Variants in SPINDOC observed in about 807,000 individuals in gnomAD.
SPINDOC encodes the protein spindlin interactor and repressor of chromatin binding, also known as spindlin interactor and repressor of chromatin-binding protein.
Under a neutral mutation model 30.7 loss-of-function variants are expected in SPINDOC, and 13 were observed. That is an observed-to-expected ratio of 0.42 (90% confidence interval 0.28 to 0.67). The LOEUF (loss-of-function observed/expected upper bound fraction) is 0.67, where lower values mean the gene tolerates loss of function less well. SPINDOC is among the 30% of genes least tolerant of loss of function. The pLI, the probability that SPINDOC is intolerant of heterozygous loss-of-function variation, is 0.22. For synonymous variants in SPINDOC, 228 were observed against 211.4 expected (o/e 1.08, Z -0.68); for missense variants, 438 against 518.0 (o/e 0.85, Z 1.50).
In SPINDOC at chr11:63,818,726, AGCAGGGCCTGGGC is replaced by A. The variant is rs1275798387; in HGVS notation, c.734-68_734-56del. The A allele has an allele frequency of 1.2e-6, 2 of 1,611,846 alleles. No individual in the cohort carries two copies. The highest frequency in any genetic ancestry group is 2.7e-5 in the African/African-American group (2 of 74,832). ...AGGAAATCCGCATCAGTGAGGATGG[AGCAGGGCCTGGGC>A]GCAGGGCGCCTGCAGCTCCTGAGGC... On this transcript the variant is annotated intron_variant, in intron 4 of 5. Transcript: ENST00000294244. The surrounding 1 kb of genome is among the most constrained non-coding windows in gnomAD (Gnocchi z 5.3).
chr11:63,813,772 T>A lies in SPINDOC; in HGVS notation c.86T>A (p.Met29Lys), dbSNP rs775794856. 1.3e-6 allele frequency: 2 copies of A among 1,591,352 alleles called. No individual in the cohort carries two copies. Among genetic ancestry groups the A allele is most frequent in the South Asian group, 1.1e-5 (1 of 89,234 alleles). ...CEEGEDEEEA[M>K]VVAVIPRPEP... Reference sequence around the variant, plus strand: ...GAAGGGGAGGACGAGGAGGAGGCCATGGTGGTGGCCGTAATTCCGCGGCCC... The same window carrying A: ...GAAGGGGAGGACGAGGAGGAGGCCAAGGTGGTGGCCGTAATTCCGCGGCCC... Residue 29 changes from methionine (M) to lysine (K), a missense_variant, in exon 1 of 6, where the codon ATG becomes AAG. Met to Lys is a moderately conservative substitution (Grantham distance 95, BLOSUM62 -1). Coordinates refer to ENST00000294244, the MANE Select transcript of SPINDOC (RefSeq NM_138471.3).
chr11:63,823,139 A>G (rs2135156292), intron 5 of SPINDOC: 1 of 1,288,994 alleles, frequency 7.8e-7, no homozygotes, highest in Non-Finnish European at 1.0e-6. Context: ...GTCCAGGTAT[A>G]TAGGCTGGAG....
chr11:63,813,503 G>T lies in SPINDOC; in HGVS notation c.-184G>T, dbSNP rs1048042613. ...GCTCCCGACGCGCCGAGGTCTCGGG[G>T]AGGCCCGGACGCGCCGGTCGCAGGC... On this transcript the variant is annotated 5_prime_UTR_variant, in exon 1 of 6. Transcript: ENST00000294244. 142 of 280,026 alleles carry T rather than the reference G, an allele frequency of 5.1e-4. No homozygotes were observed. Among genetic ancestry groups the T allele is most frequent in the Non-Finnish European group, 6.8e-4 (128 of 187,562 alleles). The allele number at this position is 280,026 out of a possible 1,614,324, so 17.3% of individuals were successfully genotyped here. A position where few individuals can be genotyped will look rare whatever the true frequency, so the allele number is the denominator to read the frequency against.
intron 5 of SPINDOC, among the ~76,000 whole-genome samples, chr11:63,824,380 G>C (rs906825749): frequency 1.3e-5 from 2 of 152,100 alleles, no homozygotes; most frequent in African/African-American, 4.8e-5. Flanking sequence ...CCCAGAGTTG[G>C]AACACGTCGT....
At chr11:63,822,664 C>T (rs1251537639) in intron 5 of SPINDOC, 1 of 1,289,116 alleles carries the variant, frequency 7.8e-7, no homozygotes, top group Non-Finnish European at 1.0e-6. Context: ...TCCTGGCTCC[C>T]TGAGACCGAG....
intron 1 of SPINDOC, among the ~76,000 whole-genome samples, 186 bp downstream of exon 1, chr11:63,813,999 A>C (rs1184699563): frequency 6.6e-6 from 1 of 152,088 alleles, no homozygotes; most frequent in South Asian, 2.1e-4. Context: ...TTAGAAGCTC[A>C]GGCCTCCTCG....
intron 5 of SPINDOC, chr11:63,822,880 C>T: frequency 7.8e-7 from 1 of 1,289,034 alleles, no homozygotes; most frequent in Non-Finnish European, 1.0e-6. Context: ...CCCTGAGATT[C>T]TAGGTTTCTT....
intron 1 of SPINDOC, among the ~76,000 whole-genome samples, chr11:63,817,141 A>G (rs1053754281): frequency 1.3e-5 from 2 of 151,996 alleles, no homozygotes; most frequent in Non-Finnish European, 2.9e-5. Flanking sequence ...TGATAACACC[A>G]CTGTACTCCA....
At chr11:63,823,177 C>G (rs1243732769) in intron 5 of SPINDOC, 5 of 1,289,096 alleles carry the variant, frequency 3.9e-6, no homozygotes, top group Non-Finnish European at 5.1e-6. Flanking sequence ...ACCAGGGGCC[C>G]CCGTGGCGGT....
chr11:63,819,873 CCTGATA>C (rs1475276892), intron 5 of SPINDOC, among the ~76,000 whole-genome samples: 1 of 152,182 alleles, frequency 6.6e-6, no homozygotes, highest in African/African-American at 2.4e-5. Context: ...TTCCCAGAAG[CCTGATA>C]CTGATTTCCA....
intron 5 of SPINDOC, among the ~76,000 whole-genome samples, chr11:63,820,418 A>C (rs1484435953): frequency 6.7e-6 from 1 of 150,206 alleles, no homozygotes; most frequent in African/African-American, 2.4e-5. Flanking sequence ...AAAAAAAAAG[A>C]AGCTTACATA....
chr11:63,826,883 G>T, intron 5 of SPINDOC, 45 bp from the exon 6 acceptor site: 1 of 950,750 alleles, frequency 1.1e-6, no homozygotes, highest in Middle Eastern at 3.0e-4. Flanking sequence ...TCGTGGTGGG[G>T]TGTCTGGGGG....
rs60839586 is a variant in SPINDOC, at chr11:63,820,889, C to CAAAAAAAAAAAAAA, written c.934+1892_934+1905dup. Among the ~76,000 whole-genome samples the CAAAAAAAAAAAAAA allele has an allele frequency of 5.4e-5, 4 of 74,458 alleles. 1 individual carries two copies. The highest frequency in any genetic ancestry group is 5.4e-4 in the East Asian group (1 of 1,858). The allele number at this position is 74,458 out of a possible 152,430, so 48.8% of individuals were successfully genotyped here. On this transcript the variant is annotated intron_variant, in intron 5 of 5. Transcript: ENST00000294244. ...TGGGCGACAGAGCGAAACTCCGTCT[C>CAAAAAAAAAAAAAA]AAAAAAAAAAAAAAAAAACAACACA...
At chr11:63,824,939 T>C (rs531435049) in intron 5 of SPINDOC, among the ~76,000 whole-genome samples, 3 of 152,250 alleles carry the variant, frequency 2.0e-5, no homozygotes, top group Admixed American at 2.0e-4. Context: ...GCCCAGCATC[T>C]GTCCAGCAGC....
intron 5 of SPINDOC, among the ~76,000 whole-genome samples, chr11:63,826,177 C>A (rs1344568617): frequency 6.6e-6 from 1 of 152,192 alleles, no homozygotes; most frequent in East Asian, 1.9e-4. Context: ...CTCAAGTGAT[C>A]TGCTCACCCT....
chr11:63,826,766 A>G (rs143150288), intron 5 of SPINDOC, among the ~76,000 whole-genome samples, 162 bp from the exon 6 acceptor site: 235 of 152,280 alleles, frequency 1.5e-3, no homozygotes, highest in Non-Finnish European at 2.5e-3. Flanking sequence ...CCAGGAGTGG[A>G]GCTCCCTGCC....
intron 5 of SPINDOC, among the ~76,000 whole-genome samples, chr11:63,819,474 G>A (rs1218904065): frequency 6.7e-6 from 1 of 148,796 alleles, no homozygotes; most frequent in Non-Finnish European, 1.5e-5. Flanking sequence ...GCCTCGCAAA[G>A]TACACCACGC....
intron 1 of SPINDOC, among the ~76,000 whole-genome samples, chr11:63,815,423 C>T (rs1197908841): frequency 6.6e-6 from 1 of 152,196 alleles, no homozygotes; most frequent in Non-Finnish European, 1.5e-5. Context: ...GGCTGCGGTG[C>T]TCTTGGGAGA....
In SPINDOC at chr11:63,820,215, T is replaced by C. The variant is rs915516322; in HGVS notation, c.934+1213T>C. ...GAGTTTGAGACCAACCTGGCCGATA[T>C]GGCGAAACCTCATCTCTACTAAAAA... On this transcript the variant is annotated intron_variant, in intron 5 of 5. Coordinates refer to ENST00000294244, the MANE Select transcript of SPINDOC (RefSeq NM_138471.3). 2.0e-5 allele frequency among the ~76,000 whole-genome samples: 3 copies of C among 151,256 alleles called. 1 individual carries two copies. The highest frequency in any genetic ancestry group is 7.3e-5 in the African/African-American group (3 of 40,832).
Sources: gnomAD v4.1 joint callset for allele counts (sites outside exome capture counted in the v4.1 genomes callset) on GRCh38, gnomAD v4.1.1 for gene constraint, Gnocchi (gnomAD v3.1) non-coding constraint, MANE v1.5 for transcripts, NCBI Gene and HGNC (gene_info 2026-07-23, HGNC 2026-07-21) for gene names.